The following PRKAA1 variants were observed in gnomAD, a reference collection of about 807,000 sequenced individuals.
The protein encoded by PRKAA1 is protein kinase AMP-activated catalytic subunit alpha 1.
Under a neutral mutation model 56.9 loss-of-function variants are expected in PRKAA1, and 23 were observed. That is an observed-to-expected ratio of 0.40 (90% CI 0.29 to 0.57). The LOEUF (loss-of-function observed/expected upper bound fraction) is 0.57, where lower values mean the gene tolerates loss of function less well. Among genes scored for constraint, PRKAA1 ranks in the 20% least tolerant of loss-of-function variants. The pLI is 0.39. For missense variants in PRKAA1, 413 were observed against 679.7 expected (o/e 0.61, Z 4.36); for synonymous variants, 226 against 227.0 (o/e 1.00, Z 0.04).
At chr5:40,781,253 G>T (rs776828047) in intron 1 of PRKAA1, among the ~76,000 whole-genome samples, 8 of 152,082 alleles carry the variant, frequency 5.3e-5, no homozygotes, top group Non-Finnish European at 8.8e-5. Context: ...TTGGGATTAT[G>T]GCATTAGGGA....
intron 1 of PRKAA1, among the ~76,000 whole-genome samples, chr5:40,781,372 T>C (rs761631786): frequency 6.6e-5 from 10 of 152,118 alleles, no homozygotes; most frequent in African/African-American, 1.2e-4. Context: ...CTGGAGAATA[T>C]ATATTCCATC....
intron 6 of PRKAA1, 78 bp downstream of exon 6, chr5:40,767,387 GT>G: frequency 8.0e-7 from 1 of 1,242,744 alleles, no homozygotes; most frequent in Non-Finnish European, 1.1e-6. Flanking sequence ...TGTATATTCT[GT>G]TCTGCAACTT....
chr5:40,774,008 T>C (rs900424446), intron 3 of PRKAA1, among the ~76,000 whole-genome samples: 1 of 152,216 alleles, frequency 6.6e-6, no homozygotes, highest in Non-Finnish European at 1.5e-5. Context: ...TTTAAGGAAA[T>C]GGGAAGGTTT....
At chr5:40,781,795 G>C (rs1242036642) in intron 1 of PRKAA1, among the ~76,000 whole-genome samples, 2 of 152,082 alleles carry the variant, frequency 1.3e-5, no homozygotes, top group Non-Finnish European at 2.9e-5. Context: ...AGGAGGATGG[G>C]GGTGTAGTAT....
chr5:40,777,357 C>A, intron 2 of PRKAA1, 88 bp downstream of exon 2: 1 of 1,390,282 alleles, frequency 7.2e-7, no homozygotes, highest in Non-Finnish European at 9.9e-7. Flanking sequence ...AAAGAAGTGT[C>A]AGTCATTTTT....
intron 3 of PRKAA1, chr5:40,774,885 C>T (rs1256077035): frequency 2.7e-6 from 4 of 1,492,164 alleles, no homozygotes; most frequent in South Asian, 2.3e-5. Context: ...AAATGTCCTA[C>T]AAAGTTCCTT....
At chr5:40,777,394 CA>C (rs760274071) in intron 2 of PRKAA1, 50 bp downstream of exon 2, 1 of 1,529,182 alleles carries the variant, frequency 6.5e-7, no homozygotes, top group Non-Finnish European at 8.9e-7. Context: ...AGTAGGTTAA[CA>C]AAAAAGATGA....
intron 1 of PRKAA1, among the ~76,000 whole-genome samples, chr5:40,793,906 A>T (rs370512858): frequency 1.4e-4 from 21 of 152,252 alleles, no homozygotes; most frequent in African/African-American, 4.8e-4. Context: ...GTTCAAGACC[A>T]GCCTGGCCAA....
chr5:40,780,972 T>A (rs1744244270), intron 1 of PRKAA1, among the ~76,000 whole-genome samples: 1 of 152,140 alleles, frequency 6.6e-6, no homozygotes, highest in South Asian at 2.1e-4. Flanking sequence ...TTGGCACCCA[T>A]AAACCATCTC....
Position 40,762,776 on chromosome 5 carries a change from G to C in PRKAA1, c.*2C>G. Reference sequence around the variant, plus strand: ...GCAAAAGAAATAAGCAAAGTTTTCTGTTTATTGTGCAAGAATTTTAATTAG... The same window carrying C: ...GCAAAAGAAATAAGCAAAGTTTTCTCTTTATTGTGCAAGAATTTTAATTAG... On this transcript the variant is annotated 3_prime_UTR_variant, in exon 9 of 9. Transcript: ENST00000397128. 6.2e-7 allele frequency: 1 copy of C among 1,613,374 alleles called. No individual in the cohort carries two copies. The highest frequency in any genetic ancestry group is 8.5e-7 in the Non-Finnish European group (1 of 1,179,494).
rs1459210028 is a variant in PRKAA1, at chr5:40,771,883, C to T, written c.364-20G>A. 1 of 1,605,468 alleles carries T rather than the reference C, an allele frequency of 6.2e-7. No homozygotes were observed. Among genetic ancestry groups the T allele is most frequent in the South Asian group, 1.1e-5 (1 of 88,650 alleles). ...ATCCAGCTAAGAAAAGTTAGAGAGG[C>T]TTTTTAAAGGTGTGTCTTTCAAAGT... is the stretch of plus-strand genomic sequence containing the variant. On this transcript the variant is annotated intron_variant, in intron 3 of 8. Coordinates refer to ENST00000397128, the MANE Select transcript of PRKAA1 (RefSeq NM_006251.6).
intron 7 of PRKAA1, 27 bp from the exon 8 acceptor site, chr5:40,764,667 G>A: frequency 6.2e-7 from 1 of 1,606,552 alleles, no homozygotes; most frequent in Non-Finnish European, 8.5e-7. Context: ...CAAAAACCAA[G>A]TCAAAAGTAA....
chr5:40,795,004 T>TACACACAC (rs776449388), intron 1 of PRKAA1, among the ~76,000 whole-genome samples: 34,213 of 137,310 alleles, frequency 0.25, 4,433 homozygotes, highest in Admixed American at 0.38. Context: ...TGTATACATA[T>TACACACAC]ATATACACAC....
intron 1 of PRKAA1, among the ~76,000 whole-genome samples, chr5:40,797,375 CCT>C (rs1283631089): frequency 1.3e-5 from 2 of 152,184 alleles, no homozygotes; most frequent in Non-Finnish European, 2.9e-5. Context: ...CGGAGAAACT[CCT>C]GTTAATTCGG....
intron 4 of PRKAA1, among the ~76,000 whole-genome samples, chr5:40,770,370 G>A (rs1354834095): frequency 1.3e-5 from 2 of 152,062 alleles, no homozygotes; most frequent in Non-Finnish European, 2.9e-5. Context: ...GGAGGCCAAG[G>A]TGGGAGAATT....
Position 40,770,417 on chromosome 5 carries a change from G to A in PRKAA1, c.509-914C>T, listed in dbSNP as rs1430595726. ...GAAGGCAGAGGTTGCAGTGAGCCGA[G>A]ATCGTACCACTCCAGCCTGGGTGAC... On this transcript the variant is annotated intron_variant, in intron 4 of 8. Transcript: ENST00000397128. Among the ~76,000 whole-genome samples the A allele has an allele frequency of 3.4e-5, 4 of 117,384 alleles. No homozygotes were observed. In the East Asian group the frequency reaches 8.7e-4, roughly 26 times the overall value. 77.0% of individuals were successfully genotyped at this position (117,384 alleles called of 152,430 possible). A position where few individuals can be genotyped will look rare whatever the true frequency, so the allele number is the denominator to read the frequency against.
chr5:40,797,943 A>C, intron 1 of PRKAA1, 120 bp downstream of exon 1: 7 of 1,347,038 alleles, frequency 5.2e-6, no homozygotes, highest in East Asian at 4.4e-5. Context: ...GATCCGGGAC[A>C]GGGGCTGCCC....
chr5:40,785,017 AAAG>A lies in PRKAA1; in HGVS notation c.128-7434_128-7432del, dbSNP rs373505663. Among the ~76,000 whole-genome samples the A allele has an allele frequency of 3.0e-3, 452 of 152,350 alleles. 4 individuals carry two copies. The highest frequency in any genetic ancestry group is 0.01 in the African/African-American group (426 of 41,582). On this transcript the variant is annotated intron_variant, in intron 1 of 8. Coordinates refer to ENST00000397128, the MANE Select transcript of PRKAA1 (RefSeq NM_006251.6). ...ATTCTTAATGTATATACAGTTTTGAAAAGAATAGACTGAATTCCTTGTAGTAAT... is the reference window on the plus strand; with the variant it reads ...ATTCTTAATGTATATACAGTTTTGAAAATAGACTGAATTCCTTGTAGTAAT...
intron 1 of PRKAA1, among the ~76,000 whole-genome samples, chr5:40,780,560 T>C (rs936931904): frequency 1.3e-5 from 2 of 152,136 alleles, no homozygotes; most frequent in African/African-American, 2.4e-5. Context: ...ATTTTCAAGC[T>C]GGAGACCCTG....
Sources: allele counts gnomAD v4.1 joint callset (sites outside exome capture counted in the v4.1 genomes callset), GRCh38; gene constraint gnomAD v4.1.1; transcripts MANE v1.5; gene names NCBI Gene and HGNC (gene_info 2026-07-23, HGNC 2026-07-21).